Variants in FILIP1 observed in about 807,000 individuals in gnomAD.
FILIP1 encodes filamin-A-interacting protein 1.
FILIP1 carries 61 observed loss-of-function variants against 102.1 expected under a neutral mutation model. The observed-to-expected ratio is 0.60, with a 90% CI of 0.49 to 0.74. The LOEUF (loss-of-function observed/expected upper bound fraction) is 0.74, where lower values mean the gene tolerates loss of function less well. Ranked by LOEUF, FILIP1 falls within the 30% of genes least tolerant of loss-of-function variation. The pLI is 0.00. For synonymous variants in FILIP1, 491 were observed against 526.9 expected, an observed-to-expected ratio of 0.93 and a Z score of 0.93; for missense variants, 1,314 against 1,441.2, an observed-to-expected ratio of 0.91 and a Z score of 1.43.
At chr6:75,307,413 G>A (rs917777775), downstream of FILIP1, among the ~76,000 whole-genome samples, 1 of 152,044 alleles carries the variant, frequency 6.6e-6, no homozygotes, top group Non-Finnish European at 1.5e-5. Context: ...ATTCAAAAAT[G>A]GAAAACTAAA....
chr6:75,479,133 A>G (rs1779573207), intron 1 of FILIP1, among the ~76,000 whole-genome samples: 1 of 152,230 alleles, frequency 6.6e-6, no homozygotes, highest in Admixed American at 6.5e-5. Flanking sequence ...CAACTGAGAA[A>G]GAAGTATATT....
chr6:75,418,403 C>T (rs1041619795), intron 1 of FILIP1, among the ~76,000 whole-genome samples: 2 of 152,124 alleles, frequency 1.3e-5, no homozygotes, highest in African/African-American at 4.8e-5. Context: ...AAAAGTCTTC[C>T]TGAGAAGCAA....
chr6:75,436,749 C>A (rs1222738330), intron 1 of FILIP1, among the ~76,000 whole-genome samples: 1 of 152,128 alleles, frequency 6.6e-6, no homozygotes, highest in East Asian at 1.9e-4. Flanking sequence ...TTTTAATGGA[C>A]ACTGGCAGAA....
intron 4 of FILIP1, chr6:75,319,146 CT>C: frequency 2.7e-6 from 2 of 728,778 alleles, no homozygotes; most frequent in East Asian, 2.8e-5. Flanking sequence ...TGACAATTCC[CT>C]TTTATGCTGC....
chr6:75,472,806 A>T (rs1411555771), intron 1 of FILIP1, among the ~76,000 whole-genome samples: 2 of 152,176 alleles, frequency 1.3e-5, no homozygotes, highest in African/African-American at 4.8e-5. Context: ...ATATTTAAAG[A>T]ACCAAAAGCA....
intron 1 of FILIP1, among the ~76,000 whole-genome samples, chr6:75,436,059 A>G (rs1778008529): frequency 6.6e-6 from 1 of 152,104 alleles, no homozygotes; most frequent in South Asian, 2.1e-4. Flanking sequence ...GGATCACAGA[A>G]GTCATAAGAG....
At chr6:75,488,952 A>T (rs1433766087) in intron 1 of FILIP1, among the ~76,000 whole-genome samples, 1 of 152,172 alleles carries the variant, frequency 6.6e-6, no homozygotes. Context: ...CATTTAGTAA[A>T]GTTAAAGTTA....
At chr6:75,449,096 C>T (rs1301940114) in intron 1 of FILIP1, among the ~76,000 whole-genome samples, 1 of 152,050 alleles carries the variant, frequency 6.6e-6, no homozygotes, top group Non-Finnish European at 1.5e-5. Flanking sequence ...CATCAATCAA[C>T]AAGCGGATAA....
intron 4 of FILIP1, among the ~76,000 whole-genome samples, chr6:75,324,845 C>T (rs1331788749): frequency 4.6e-5 from 7 of 152,106 alleles, no homozygotes; most frequent in Non-Finnish European, 8.8e-5. Context: ...GGAAAGTATA[C>T]CCTGTTCAAC....
At chr6:75,373,142 G>A (rs938587323) in intron 2 of FILIP1, among the ~76,000 whole-genome samples, 4 of 152,174 alleles carry the variant, frequency 2.6e-5, no homozygotes, top group African/African-American at 9.7e-5. Flanking sequence ...TAAGATTGGT[G>A]AATCTTGAAG....
intron 1 of FILIP1, among the ~76,000 whole-genome samples, chr6:75,433,471 T>C (rs1777897790): frequency 1.3e-5 from 2 of 152,278 alleles, no homozygotes; most frequent in African/African-American, 4.8e-5. Flanking sequence ...TGCATAAATG[T>C]CTTCTTTTGA....
At position 75,313,990 on chromosome 6, in the gene FILIP1, C is replaced by G. The variant is rs1359099592; in HGVS notation, c.1842G>C (p.Arg614Ser). Residue 614 changes from arginine to serine, a missense_variant, in exon 5 of 6, where the codon AGG becomes AGC. This residue lies in a region of FILIP1 where 816 missense variants were observed against 913.1 expected (regional missense o/e 0.89). Coordinates refer to ENST00000237172, the MANE Select transcript of FILIP1 (RefSeq NM_015687.5). This position sits in a 1 kb window ranked among gnomAD's most constrained non-coding sequence, Gnocchi z 4.2. ...EEVEREITRG[R>S]SRKGSELTCP... ...AGGTGAGCTCAGACCCTTTTCGTGACCTTCCTCTTGTTATTTCTCTTTCCA... is the reference window on the plus strand; with the variant it reads ...AGGTGAGCTCAGACCCTTTTCGTGAGCTTCCTCTTGTTATTTCTCTTTCCA... 3.2e-6 allele frequency: 5 copies of G among 1,569,310 alleles called. No individual in the cohort carries two copies. The Admixed American group carries it at 7.9e-5, about 25-fold the overall frequency.
chr6:75,400,489 T>C (rs1159732956), intron 2 of FILIP1, among the ~76,000 whole-genome samples: 4 of 152,106 alleles, frequency 2.6e-5, no homozygotes, highest in African/African-American at 9.7e-5. Flanking sequence ...AGTGAGGCTA[T>C]AGGTACCTGA....
At position 75,312,687 on chromosome 6, in the gene FILIP1, G is replaced by C. The variant is rs760560602; in HGVS notation, c.3145C>G (p.Pro1049Ala). ...VTPEKQTVPT[P>A]VRKYNSNANI... is the part of the protein sequence containing the mutation. ...GCATTGGAGTTGTATTTCCGTACTGGAGTTGGAACAGTCTGTTTTTCTGGG... is the reference window on the plus strand; with the variant it reads ...GCATTGGAGTTGTATTTCCGTACTGCAGTTGGAACAGTCTGTTTTTCTGGG... Residue 1049 changes from proline (P) to alanine (A), a missense_variant, in exon 5 of 6, where the codon CCA becomes GCA. Around this residue, in one of 3 missense-constraint regions of FILIP1, gnomAD observed 816 missense variants for 913.1 expected, o/e 0.89. Transcript: ENST00000237172. 1 of 1,614,068 alleles carries C rather than the reference G, an allele frequency of 6.2e-7. No individual in the cohort carries two copies. The highest frequency in any genetic ancestry group is 1.3e-5 in the African/African-American group (1 of 74,928).
intron 1 of FILIP1, among the ~76,000 whole-genome samples, chr6:75,475,118 G>A (rs1333164240): frequency 6.6e-6 from 1 of 152,076 alleles, no homozygotes; most frequent in Non-Finnish European, 1.5e-5. Context: ...TGTCTTTATG[G>A]CAATGCGAGA....
chr6:75,432,213 T>C (rs1303708270), intron 1 of FILIP1, among the ~76,000 whole-genome samples: 1 of 152,238 alleles, frequency 6.6e-6, no homozygotes, highest in Admixed American at 6.5e-5. Flanking sequence ...TAAATCTTTG[T>C]CACTTTAAAA....
At chr6:75,458,449 G>C (rs1263294915) in intron 1 of FILIP1, among the ~76,000 whole-genome samples, 1 of 152,170 alleles carries the variant, frequency 6.6e-6, no homozygotes, top group Non-Finnish European at 1.5e-5. Flanking sequence ...AAGCCTCACA[G>C]CTAATTAATT....
At chr6:75,353,395 G>T in intron 4 of FILIP1, 144 bp downstream of exon 4, 1 of 749,194 alleles carries the variant, frequency 1.3e-6, no homozygotes, top group Non-Finnish European at 2.2e-6. Flanking sequence ...ATTCTCTATG[G>T]TTACCACCCA....
Position 75,414,918 on chromosome 6 carries a change from G to T in FILIP1, c.55C>A (p.Pro19Thr). The change falls in exon 2 of 6, where the codon CCC becomes ACC. Residue 19 changes from proline to threonine, a missense_variant. Pro to Thr is a conservative substitution (Grantham distance 38). Around this residue, in one of 3 missense-constraint regions of FILIP1, gnomAD observed 494 missense variants for 511.2 expected, o/e 0.97. Transcript: ENST00000237172. Reference sequence around the variant, plus strand: ...GCATTGCCGATGATGGAGGGCTTGGGACAGGAGATATGCCCATCAGATGCA... The same window carrying T: ...GCATTGCCGATGATGGAGGGCTTGGTACAGGAGATATGCCCATCAGATGCA... ...ESASDGHISC[P>T]KPSIIGNAGE... 6.2e-7 allele frequency: 1 copy of T among 1,613,804 alleles called. No individual in the cohort carries two copies. Among genetic ancestry groups the T allele is most frequent in the Non-Finnish European group, 8.5e-7 (1 of 1,179,870 alleles).
Sources: gnomAD v4.1 joint callset for allele counts (sites outside exome capture counted in the v4.1 genomes callset) on GRCh38, gnomAD v4.1.1 for gene constraint, gnomAD v4.1.1 regional missense constraint, Gnocchi (gnomAD v3.1) non-coding constraint, MANE v1.5 for transcripts, NCBI Gene and HGNC (gene_info 2026-07-23, HGNC 2026-07-21) for gene names.